Variants in AATK observed in about 807,000 individuals in gnomAD.
AATK encodes the protein lemur tail kinase 1, also known as serine/threonine-protein kinase LMTK1.
A neutral mutation model predicts 114.3 loss-of-function variants in AATK; 91 were observed. The ratio of observed to expected loss-of-function variants is 0.80; its 90% CI spans 0.67 to 0.95. The LOEUF is 0.95. Ranked by LOEUF, AATK falls within the 40% of genes least tolerant of loss-of-function variation. The pLI, the probability that AATK is intolerant of heterozygous loss-of-function variation, is 0.00. For missense variants in AATK, 2,176 were observed against 1,965.2 expected (o/e 1.11, Z -2.03); for synonymous variants, 1,075 against 916.5 (o/e 1.17, Z -3.12).
At chr17:81,165,889 C>CCTGGGCCCCTCCG in intron 1 of AATK, 49 bp downstream of exon 1, 2 of 1,552,700 alleles carry the variant, frequency 1.3e-6, no homozygotes, top group Non-Finnish European at 1.7e-6. Flanking sequence ...GCATCACGTC[C>CCTGGGCCCCTCCG]GCAGCGGAGG....
At chr17:81,141,674 C>G (rs2061140240) in intron 1 of AATK, among the ~76,000 whole-genome samples, 1 of 152,174 alleles carries the variant, frequency 6.6e-6, no homozygotes, top group South Asian at 2.1e-4. Flanking sequence ...GGTGGCTGGG[C>G]AGGTCCCCAG....
At chr17:81,128,396 GA>G in intron 4 of AATK, 73 bp downstream of exon 4, 2 of 357,650 alleles carry the variant, frequency 5.6e-6, no homozygotes, top group Non-Finnish European at 8.3e-6. Flanking sequence ...TGGCTCCTAG[GA>G]GGAGCAGGTC....
intron 1 of AATK, among the ~76,000 whole-genome samples, chr17:81,142,962 A>C (rs1422860687): frequency 2.0e-5 from 3 of 152,218 alleles, no homozygotes; most frequent in Non-Finnish European, 4.4e-5. Context: ...GGCCACACAC[A>C]GAGGAACAGG....
intron 1 of AATK, among the ~76,000 whole-genome samples, chr17:81,163,194 C>T (rs1325999865): frequency 6.6e-6 from 1 of 152,178 alleles, no homozygotes; most frequent in East Asian, 1.9e-4. Context: ...CCCATGCCCA[C>T]TTCCAGCCTA....
intron 1 of AATK, among the ~76,000 whole-genome samples, chr17:81,151,051 G>A (rs2061288302): frequency 6.6e-6 from 1 of 152,158 alleles, no homozygotes; most frequent in Non-Finnish European, 1.5e-5. Context: ...CCTGGGACAG[G>A]AGAAGGGAGG....
At chr17:81,140,688 GGGCCGTTGAGCTGTGGGGCGGTGA>G (rs1567819443) in intron 1 of AATK, among the ~76,000 whole-genome samples, 4,236 of 139,790 alleles carry the variant, frequency 0.03, 867 homozygotes, top group South Asian at 0.046. Context: ...TGGGGCCGTG[GGGCCGTTGAGCTGTGGGGCGGTGA>G]GACCGTGGGG....
chr17:81,154,419 C>G (rs1325030523), intron 1 of AATK, among the ~76,000 whole-genome samples: 2 of 144,442 alleles, frequency 1.4e-5, no homozygotes, highest in African/African-American at 5.2e-5. Flanking sequence ...CTCCCGGGTT[C>G]AAGCAATTCT....
At position 81,122,794 on chromosome 17, in the gene AATK, T is replaced by G; in HGVS notation, c.1142A>C (p.Gln381Pro). 1 of 1,581,864 alleles carries G rather than the reference T, an allele frequency of 6.3e-7. No individual in the cohort carries two copies. The highest frequency in any genetic ancestry group is 8.6e-7 in the Non-Finnish European group (1 of 1,164,798). Residue 381 changes from glutamine to proline, a missense_variant, in exon 11 of 14, where the codon CAG (glutamine) becomes CCG (proline). This residue lies in a region of AATK where 273 missense variants were observed against 344.1 expected (regional missense o/e 0.79). Transcript: ENST00000326724. ...CTCGGCTGTGGGCCGCTGCTCGGGC[T>G]GCAGCCAGCAGAACTGCATCACCTC... ...WYEVMQFCWL[Q>P]PEQRPTAEEV...
Position 81,164,261 on chromosome 17 carries a change from G to A in AATK, c.55+1677C>T, listed in dbSNP as rs548080247. 7.1e-4 allele frequency among the ~76,000 whole-genome samples: 108 copies of A among 152,306 alleles called. 1 individual carries two copies. Among genetic ancestry groups the A allele is most frequent in the African/African-American group, 2.3e-3 (94 of 41,576 alleles). On this transcript the variant is annotated intron_variant, in intron 1 of 13. Coordinates refer to ENST00000326724, the MANE Select transcript of AATK (RefSeq NM_001080395.3). ...CTTGGAAGGCTGGGCTAAGTTTAGC[G>A]GGAGGGCAGGAGACCCCTCTCTCCT...
At position 81,122,674 on chromosome 17, in the gene AATK, C is replaced by A; in HGVS notation, c.1262G>T (p.Gly421Val). The A allele has an allele frequency of 6.6e-7, 1 of 1,522,016 alleles. No homozygotes were observed. The highest frequency in any genetic ancestry group is 2.6e-5 in the East Asian group (1 of 38,148). The allele number at this position is 1,522,016 out of a possible 1,614,324, so 94.3% of individuals were successfully genotyped here. The change falls in exon 11 of 14, where the codon GGG becomes GTG. Residue 421 changes from glycine to valine, a missense_variant. Transcript: ENST00000326724. Reference protein sequence around the residue: ...ERRWRSLRPGGGGVGPGPGAA... With the variant: ...ERRWRSLRPGVGGVGPGPGAA... ...ACCGGGCCCGGGCCCCACGCCGCCC[C>A]CGCCGGGCCGCAGAGAGCGCCAGCG...
In AATK at chr17:81,141,547, T is replaced by C. The variant is rs112680672; in HGVS notation, c.56-7046A>G. On this transcript the variant is annotated intron_variant, in intron 1 of 13. Coordinates refer to ENST00000326724, the MANE Select transcript of AATK (RefSeq NM_001080395.3). ...GTAATCAGTGGCCACAGGAAACTCA[T>C]GCAACAGCCCTTCCAAGGGGCTCCC... Among the ~76,000 whole-genome samples the C allele has an allele frequency of 4.8e-3, 724 of 152,362 alleles. 14 individuals carry two copies. Among genetic ancestry groups the C allele is most frequent in the African/African-American group, 0.016 (666 of 41,580 alleles).
At chr17:81,127,129 A>AG (rs528048908) in intron 6 of AATK, among the ~76,000 whole-genome samples, 613 of 17,844 alleles carry the variant, frequency 0.034, 6 homozygotes, top group South Asian at 0.078. Flanking sequence ...TCTCAGGGGG[A>AG]GGGGGGGACA....
intron 9 of AATK, 22 bp downstream of exon 9, chr17:81,124,705 G>A: frequency 1.2e-6 from 2 of 1,607,894 alleles, no homozygotes; most frequent in South Asian, 1.1e-5. Context: ...GCCCCTCACG[G>A]TGCCACCAGG....
chr17:81,119,438 C>T lies in AATK; in HGVS notation c.4026G>A (p.Ala1342=), dbSNP rs1259076952. The T allele has an allele frequency of 1.3e-6, 2 of 1,518,616 alleles. No individual in the cohort carries two copies. Among genetic ancestry groups the T allele is most frequent in the Non-Finnish European group, 8.8e-7 (1 of 1,140,060 alleles). The allele number at this position is 1,518,616 out of a possible 1,614,324, so 94.1% of individuals were successfully genotyped here. A position where few individuals can be genotyped will look rare whatever the true frequency, so the allele number is the denominator to read the frequency against. ...APFSRFTVSP[A]PTSRFSITHV... Reference sequence around the variant, plus strand: ...GCGTGATGGAGAAGCGGGACGTGGGCGCGGGCGACACCGTGAAGCGCGAGA... The same window carrying T: ...GCGTGATGGAGAAGCGGGACGTGGGTGCGGGCGACACCGTGAAGCGCGAGA... The change falls in exon 13 of 14, where the codon GCG becomes GCA. Residue 1342 remains alanine, a synonymous_variant. Transcript: ENST00000326724.
At chr17:81,165,850 A>G in intron 1 of AATK, 88 bp downstream of exon 1, 1 of 1,528,174 alleles carries the variant, frequency 6.5e-7, no homozygotes. Flanking sequence ...GTTAATTTCC[A>G]TGCAAACCGG....
intron 1 of AATK, among the ~76,000 whole-genome samples, chr17:81,158,525 G>A (rs1372491890): frequency 6.6e-6 from 1 of 152,252 alleles, no homozygotes. Flanking sequence ...GTCACGGGAA[G>A]TGAAGCAGCA....
chr17:81,118,219 G>A lies in AATK; in HGVS notation c.*183C>T, dbSNP rs115898400. 12 of 616,168 alleles carry A rather than the reference G, an allele frequency of 1.9e-5. No individual in the cohort carries two copies. Among genetic ancestry groups the A allele is most frequent in the Middle Eastern group, 8.7e-4 (2 of 2,298 alleles). 38.2% of individuals were successfully genotyped at this position (616,168 alleles called of 1,614,324 possible). A position where few individuals can be genotyped will look rare whatever the true frequency, so the allele number is the denominator to read the frequency against. ...TCTGCCTCTGGGGCGGAGCATGGCC[G>A]ATCTACCATCCAGGGCCTCTCATCC... is the stretch of plus-strand genomic sequence containing the variant. On this transcript the variant is annotated 3_prime_UTR_variant, in exon 14 of 14. Transcript: ENST00000326724.
chr17:81,137,988 G>T (rs1390515839), intron 1 of AATK, among the ~76,000 whole-genome samples: 1 of 143,966 alleles, frequency 6.9e-6, no homozygotes, highest in Non-Finnish European at 1.5e-5. Flanking sequence ...CCACACGCGT[G>T]CACACACCCC....
At chr17:81,141,773 A>G (rs1160153734) in intron 1 of AATK, among the ~76,000 whole-genome samples, 1 of 152,246 alleles carries the variant, frequency 6.6e-6, no homozygotes, top group South Asian at 2.1e-4. Context: ...GTGAGGGTAC[A>G]TCTGCTGTGC....
Sources: gnomAD v4.1 joint callset for allele counts (sites outside exome capture counted in the v4.1 genomes callset) on GRCh38, gnomAD v4.1.1 for gene constraint, gnomAD v4.1.1 regional missense constraint, MANE v1.5 for transcripts, NCBI Gene and HGNC (gene_info 2026-07-23, HGNC 2026-07-21) for gene names.